CNN3: variants seen among roughly 807,000 people sequenced by gnomAD.
The protein encoded by CNN3 is calponin-3.
Under a neutral mutation model 39.0 loss-of-function variants are expected in CNN3, and 11 were observed. The observed-to-expected ratio is 0.28, with a 90% confidence interval of 0.18 to 0.47. The LOEUF is 0.47. Among genes scored for constraint, CNN3 ranks in the 20% least tolerant of loss-of-function variants. CNN3 has a pLI of 0.99. For synonymous variants in CNN3, 101 were observed against 138.3 expected (o/e 0.73, Z 1.89); for missense variants, 266 against 403.4 (o/e 0.66, Z 2.92).
chr1:94,902,878 T>C (rs752251167), intron 3 of CNN3, among the ~76,000 whole-genome samples: 4 of 152,108 alleles, frequency 2.6e-5, no homozygotes, highest in Non-Finnish European at 5.9e-5. Flanking sequence ...ACAGACTAAA[T>C]ATAGGAAAAC....
In CNN3 at chr1:94,901,614, G is replaced by A; in HGVS notation, c.501+55C>T. The A allele has an allele frequency of 9.7e-6, 12 of 1,234,196 alleles. 1 individual carries two copies. The highest frequency in any genetic ancestry group is 6.1e-5 in the South Asian group (5 of 81,804). The allele number at this position is 1,234,196 out of a possible 1,614,324, so 76.5% of individuals were successfully genotyped here. On this transcript the variant is annotated intron_variant, in intron 5 of 6. Transcript: ENST00000370206. ...TAGGAGAGGCTTAATATTTTGCATG[G>A]TGAGAATTAATCATATTGAATAAGT... is the stretch of plus-strand genomic sequence containing the variant.
intron 1 of CNN3, among the ~76,000 whole-genome samples, chr1:94,916,927 T>C (rs1571531940): frequency 6.6e-6 from 1 of 152,356 alleles, no homozygotes; most frequent in East Asian, 1.9e-4. Context: ...CTGGAAAGAT[T>C]TCTTCCTTTG....
intron 1 of CNN3, among the ~76,000 whole-genome samples, chr1:94,920,618 T>C (rs1049640958): frequency 1.3e-5 from 2 of 152,168 alleles, no homozygotes; most frequent in Admixed American, 1.3e-4. Flanking sequence ...TCATTTTACA[T>C]ACAAGACAGG....
At chr1:94,906,040 T>A (rs1217068619) in intron 1 of CNN3, among the ~76,000 whole-genome samples, 2 of 152,194 alleles carry the variant, frequency 1.3e-5, no homozygotes, top group Non-Finnish European at 2.9e-5. Flanking sequence ...TGGAGTGCAG[T>A]GGCGTGAACT....
intron 1 of CNN3, among the ~76,000 whole-genome samples, chr1:94,912,525 A>T (rs1451080635): frequency 6.6e-6 from 1 of 152,140 alleles, no homozygotes; most frequent in African/African-American, 2.4e-5. Flanking sequence ...GGAGAAGGGC[A>T]GCCATCACCA....
Position 94,898,036 on chromosome 1 carries a change from C to T in CNN3, c.696G>A (p.Lys232=). The T allele has an allele frequency of 6.2e-7, 1 of 1,614,078 alleles. No individual in the cohort carries two copies. Among genetic ancestry groups the T allele is most frequent in the Non-Finnish European group, 8.5e-7 (1 of 1,179,976 alleles). The change falls in exon 7 of 7, where the codon AAG becomes AAA. Residue 232 remains lysine (K), a synonymous_variant. Transcript: ENST00000370206. ...PGTRRDIYDQ[K]LTLQPVDNST... ...AGTTGTCCACCGGCTGTAATGTTAG[C>T]TTCTGATCATAGATGTCTCTTCTGG...
chr1:94,921,736 A>G (rs1671453660), intron 1 of CNN3, among the ~76,000 whole-genome samples: 1 of 152,226 alleles, frequency 6.6e-6, no homozygotes, highest in Admixed American at 6.5e-5. Flanking sequence ...GACTGTAAAA[A>G]ATCAGTGAGC....
chr1:94,925,874 CT>C, intron 1 of CNN3: 1 of 960,752 alleles, frequency 1.0e-6, no homozygotes, highest in African/African-American at 1.8e-5. Context: ...TGGCTGGTCT[CT>C]CCCCCCAGAA....
intron 5 of CNN3, among the ~76,000 whole-genome samples, chr1:94,900,855 T>C (rs1670844142): frequency 6.6e-6 from 1 of 152,230 alleles, no homozygotes; most frequent in Non-Finnish European, 1.5e-5. Context: ...TTTGGTACTG[T>C]AAATAAGTGA....
intron 1 of CNN3, among the ~76,000 whole-genome samples, chr1:94,908,941 T>C (rs1247350214): frequency 6.6e-6 from 1 of 150,380 alleles, no homozygotes; most frequent in Non-Finnish European, 1.5e-5. Flanking sequence ...GCCCAGGAGT[T>C]CGAGACCAGC....
At chr1:94,925,635 CTT>C (rs1671555191) in intron 1 of CNN3, 4 of 985,492 alleles carry the variant, frequency 4.1e-6, no homozygotes, top group Non-Finnish European at 4.8e-6. Context: ...TTCATTACCT[CTT>C]TACATAATTC....
At position 94,919,120 on chromosome 1, in the gene CNN3, G is replaced by A. The variant is rs561020525; in HGVS notation, c.57+7718C>T. ...TGAAAATCTGGCTGGCAAATAATGC[G>A]TCTGTATGTAAGCAAGGAGAGGTAG... On this transcript the variant is annotated intron_variant, in intron 1 of 6. Transcript: ENST00000370206. 1.5e-4 allele frequency among the ~76,000 whole-genome samples: 23 copies of A among 152,242 alleles called. 1 individual carries two copies. Among genetic ancestry groups the A allele is most frequent in the South Asian group, 1.0e-3 (5 of 4,826 alleles).
chr1:94,924,284 CATAA>C (rs1399351624), intron 1 of CNN3: 2 of 152,208 alleles, frequency 1.3e-5, no homozygotes, highest in Admixed American at 6.5e-5. Flanking sequence ...AACAGTATGA[CATAA>C]ATAATCACAA....
intron 1 of CNN3, among the ~76,000 whole-genome samples, chr1:94,918,261 G>A (rs934638753): frequency 1.3e-5 from 2 of 152,106 alleles, no homozygotes; most frequent in Non-Finnish European, 2.9e-5. Flanking sequence ...GGGAGGCTGA[G>A]GCAGACAGAT....
In CNN3 at chr1:94,897,845, C is replaced by G; in HGVS notation, c.887G>C (p.Ser296Thr). 11 of 1,614,144 alleles carry G rather than the reference C, an allele frequency of 6.8e-6. No homozygotes were observed. The highest frequency in any genetic ancestry group is 9.3e-6 in the Non-Finnish European group (11 of 1,179,998). ...GTATTCTGCCTGATAATCACTATCA[C>G]TGATTTCCGAACCATTTGTTCCTGT... is the stretch of plus-strand genomic sequence containing the variant. Reference protein sequence around the residue: ...QGTGTNGSEISDSDYQAEYPD... With the variant: ...QGTGTNGSEITDSDYQAEYPD... The change falls in exon 7 of 7, where the codon AGT (serine) becomes ACT (threonine). Residue 296 changes from serine to threonine, a missense_variant. By Grantham distance (58) the Ser-to-Thr change is moderately conservative. Transcript: ENST00000370206.
intron 1 of CNN3, among the ~76,000 whole-genome samples, chr1:94,906,203 G>A (rs1307714538): frequency 9.9e-5 from 15 of 151,178 alleles, no homozygotes. Context: ...GCCTGGTCTC[G>A]AACTCCTGAC....
chr1:94,912,804 T>C (rs1383949238), intron 1 of CNN3, among the ~76,000 whole-genome samples: 1 of 152,218 alleles, frequency 6.6e-6, no homozygotes, highest in East Asian at 1.9e-4. Flanking sequence ...GCCAATCTGG[T>C]AATCTTAGAT....
At chr1:94,910,358 G>A (rs903427477) in intron 1 of CNN3, among the ~76,000 whole-genome samples, 5 of 152,002 alleles carry the variant, frequency 3.3e-5, no homozygotes, top group Non-Finnish European at 5.9e-5. Context: ...TATTAAATAC[G>A]GTGTATTAAA....
At chr1:94,906,995 G>A (rs531091263) in intron 1 of CNN3, among the ~76,000 whole-genome samples, 3 of 152,314 alleles carry the variant, frequency 2.0e-5, no homozygotes, top group Admixed American at 2.0e-4. Flanking sequence ...GACAGTTCTT[G>A]TCAAGGAAGT....
Sources: allele counts gnomAD v4.1 joint callset (sites outside exome capture counted in the v4.1 genomes callset), GRCh38; gene constraint gnomAD v4.1.1; transcripts MANE v1.5; gene names NCBI Gene and HGNC (gene_info 2026-07-23, HGNC 2026-07-21).